The following EMCN variants were observed in gnomAD, a reference collection of about 807,000 sequenced individuals.
EMCN encodes endomucin.
Under a neutral mutation model 38.4 loss-of-function variants are expected in EMCN, and 37 were observed. That is an observed-to-expected ratio of 0.96 (90% CI 0.74 to 1.27). EMCN has a LOEUF of 1.27. Ranked by LOEUF, EMCN falls within the 50% of genes most tolerant of loss-of-function variation. The pLI is 0.00. For synonymous variants in EMCN, 95 were observed against 100.8 expected, an observed-to-expected ratio of 0.94 and a Z score of 0.35; for missense variants, 318 against 302.8, an observed-to-expected ratio of 1.05 and a Z score of -0.37.
chr4:100,473,365 G>GTTTTTTTTTTTTTTTTTTTTTTTTT lies in EMCN; in HGVS notation c.259+1672_259+1673insAAAAAAAAAAAAAAAAAAAAAAAAA. Among the ~76,000 whole-genome samples, 20 of 29,874 alleles carry GTTTTTTTTTTTTTTTTTTTTTTTTT rather than the reference G, an allele frequency of 6.7e-4. 4 individuals carry two copies. Among genetic ancestry groups the GTTTTTTTTTTTTTTTTTTTTTTTTT allele is most frequent in the Non-Finnish European group, 1.3e-3 (15 of 11,964 alleles). 19.6% of individuals were successfully genotyped at this position (29,874 alleles called of 152,430 possible). On this transcript the variant is annotated intron_variant, in intron 3 of 11. Transcript: ENST00000296420. ...TTCTAATGGGCATTTCCCGTTTCGTGTTTTTTTGTTTTTTTTTTTTGTTTT... is the reference window on the plus strand; with the variant it reads ...TTCTAATGGGCATTTCCCGTTTCGTGTTTTTTTTTTTTTTTTTTTTTTTTTTTTTTTTGTTTTTTTTTTTTGTTTT...
At chr4:100,441,410 G>A (rs975758021) in intron 5 of EMCN, among the ~76,000 whole-genome samples, 3 of 151,974 alleles carry the variant, frequency 2.0e-5, no homozygotes, top group African/African-American at 7.3e-5. Context: ...AGCTTAACTG[G>A]GTGTCTTGTA....
chr4:100,439,274 C>G (rs1727441567), intron 5 of EMCN, among the ~76,000 whole-genome samples: 1 of 151,848 alleles, frequency 6.6e-6, no homozygotes, highest in Non-Finnish European at 1.5e-5. Flanking sequence ...TTTTTTGTTA[C>G]TTCTTTGATC....
intron 1 of EMCN, among the ~76,000 whole-genome samples, chr4:100,513,026 A>G (rs1729668466): frequency 6.6e-6 from 1 of 152,162 alleles, no homozygotes; most frequent in South Asian, 2.1e-4. Flanking sequence ...TGTCTAGTAA[A>G]TTCAAAGCTT....
At chr4:100,418,623 G>T (rs1486568643) in intron 8 of EMCN, among the ~76,000 whole-genome samples, 3 of 151,080 alleles carry the variant, frequency 2.0e-5, no homozygotes, top group Non-Finnish European at 4.4e-5. Flanking sequence ...TTAGCTTCCA[G>T]AAATAAAAAC....
At chr4:100,449,961 A>C (rs1267264945) in intron 4 of EMCN, among the ~76,000 whole-genome samples, 1 of 152,036 alleles carries the variant, frequency 6.6e-6, no homozygotes, top group Non-Finnish European at 1.5e-5. Context: ...GTGTTTTTAC[A>C]TAAATACAAC....
chr4:100,511,866 AC>A lies in EMCN; in HGVS notation c.64+5984del, dbSNP rs141692782. Reference sequence around the variant, plus strand: ...AAAAAAATAGGAAGAGGAGAAAAGGACTAAAACAATGAAACTGGAGCAGGAA... The same window carrying A: ...AAAAAAATAGGAAGAGGAGAAAAGGATAAAACAATGAAACTGGAGCAGGAA... On this transcript the variant is annotated intron_variant, in intron 1 of 11. Coordinates refer to ENST00000296420, the MANE Select transcript of EMCN (RefSeq NM_016242.4). Among the ~76,000 whole-genome samples, 1,334 of 152,020 alleles carry A rather than the reference AC, an allele frequency of 8.8e-3. 21 individuals carry two copies. The highest frequency in any genetic ancestry group is 0.03 in the African/African-American group (1,254 of 41,458).
intron 5 of EMCN, among the ~76,000 whole-genome samples, chr4:100,436,362 C>A (rs1727352394): frequency 1.3e-5 from 2 of 152,084 alleles, no homozygotes; most frequent in African/African-American, 4.8e-5. Context: ...TAAGAAACAA[C>A]AAATGCTGAT....
At chr4:100,449,407 T>A (rs1727776518) in intron 4 of EMCN, among the ~76,000 whole-genome samples, 1 of 152,110 alleles carries the variant, frequency 6.6e-6, no homozygotes, top group African/African-American at 2.4e-5. Flanking sequence ...TTAGCTCTAG[T>A]TTTCATCTTC....
At chr4:100,486,724 G>C (rs1445794854) in intron 1 of EMCN, 3 of 461,032 alleles carry the variant, frequency 6.5e-6, no homozygotes, top group Non-Finnish European at 8.5e-6. Flanking sequence ...GCCGCTCTGG[G>C]GAGAACAGGA....
At chr4:100,428,001 G>T (rs566644310) in intron 5 of EMCN, among the ~76,000 whole-genome samples, 1 of 151,956 alleles carries the variant, frequency 6.6e-6, no homozygotes, top group Admixed American at 6.6e-5. Flanking sequence ...GAGATTTTGT[G>T]CCATCTACTC....
chr4:100,488,131 T>G (rs1728987481), intron 1 of EMCN, among the ~76,000 whole-genome samples: 1 of 152,220 alleles, frequency 6.6e-6, no homozygotes, highest in South Asian at 2.1e-4. Flanking sequence ...GCCTCCATTT[T>G]TTCATCTATA....
At chr4:100,481,401 CTCTT>C (rs1365263983) in intron 1 of EMCN, among the ~76,000 whole-genome samples, 1 of 152,056 alleles carries the variant, frequency 6.6e-6, no homozygotes, top group Admixed American at 6.6e-5. Context: ...TTAGCACTGA[CTCTT>C]TATAGATAGC....
At chr4:100,417,091 A>G in intron 9 of EMCN, 26 bp downstream of exon 9, 3 of 1,611,836 alleles carry the variant, frequency 1.9e-6, no homozygotes, top group Non-Finnish European at 2.5e-6. Flanking sequence ...TAGGGTCTAA[A>G]CAAAAGATGA....
At chr4:100,489,750 G>T (rs950233459) in intron 1 of EMCN, among the ~76,000 whole-genome samples, 1 of 152,028 alleles carries the variant, frequency 6.6e-6, no homozygotes, top group Non-Finnish European at 1.5e-5. Context: ...AACCAAATGC[G>T]GTATTTCTGG....
At chr4:100,432,449 TA>T (rs1727229072) in intron 5 of EMCN, among the ~76,000 whole-genome samples, 1 of 152,212 alleles carries the variant, frequency 6.6e-6, no homozygotes, top group African/African-American at 2.4e-5. Flanking sequence ...GTGTCCTTAG[TA>T]ACTGCTAATG....
At chr4:100,409,530 G>T (rs892577199) in intron 11 of EMCN, among the ~76,000 whole-genome samples, 2 of 152,086 alleles carry the variant, frequency 1.3e-5, no homozygotes, top group African/African-American at 4.8e-5. Context: ...ATTTTTTATT[G>T]ATTCACAATT....
chr4:100,430,123 A>G (rs1309179494), intron 5 of EMCN, among the ~76,000 whole-genome samples: 2 of 152,346 alleles, frequency 1.3e-5, no homozygotes, highest in African/African-American at 4.8e-5. Flanking sequence ...AACCCTTAAA[A>G]GAGACTAGGT....
chr4:100,475,123 A>G lies in EMCN; in HGVS notation c.188-14T>C. On this transcript the variant is annotated splice_polypyrimidine_tract_variant and intron_variant, in intron 2 of 11. Transcript: ENST00000296420. The stretch of plus-strand genomic sequence containing the variant: ...TGGTGATTGTTCCTAGTTTGATAAA[A>G]TAGATTAAATTATTATTAATCATAA... The G allele has an allele frequency of 5.3e-6, 7 of 1,321,240 alleles. No homozygotes were observed. The highest frequency in any genetic ancestry group is 7.3e-6 in the Non-Finnish European group (7 of 953,834). 81.8% of individuals were successfully genotyped at this position (1,321,240 alleles called of 1,614,324 possible).
In EMCN at chr4:100,517,849, A is replaced by C. The variant is rs1729799312; in HGVS notation, c.64+2T>G. The C allele has an allele frequency of 1.2e-6, 2 of 1,612,500 alleles. No homozygotes were observed. The highest frequency in any genetic ancestry group is 4.5e-5 in the East Asian group (2 of 44,850). On this transcript the variant is annotated splice_donor_variant, in intron 1 of 11. Coordinates refer to ENST00000296420, the MANE Select transcript of EMCN (RefSeq NM_016242.4). LOFTEE classifies it high-confidence loss of function. ...CACCAGAGGAATAAGAGACAAAAAT[A>C]CCTGTGCTGTTACTGCTGCAAATAC...
Sources: allele counts gnomAD v4.1 joint callset (sites outside exome capture counted in the v4.1 genomes callset), GRCh38; gene constraint gnomAD v4.1.1; transcripts MANE v1.5; gene names NCBI Gene and HGNC (gene_info 2026-07-23, HGNC 2026-07-21).